The following MARCHF1 variants were observed in gnomAD, a reference collection of about 807,000 sequenced individuals.
The protein encoded by MARCHF1 is E3 ubiquitin-protein ligase MARCHF1.
Under a neutral mutation model 54.2 loss-of-function variants are expected in MARCHF1, and 40 were observed. The observed-to-expected ratio is 0.74, with a 90% CI of 0.57 to 0.96. The LOEUF (loss-of-function observed/expected upper bound fraction) is 0.96. MARCHF1 is among the 40% of genes least tolerant of loss of function. The pLI, the probability that MARCHF1 is intolerant of heterozygous loss-of-function variation, is 0.00. For missense variants in MARCHF1, 586 were observed against 656.5 expected (o/e 0.89, Z 1.17); for synonymous variants, 236 against 236.3 (o/e 1.00, Z 0.01).
intron 3 of MARCHF1, among the ~76,000 whole-genome samples, chr4:163,979,865 G>A (rs1359224918): frequency 2.0e-5 from 3 of 151,764 alleles, no homozygotes; most frequent in Non-Finnish European, 4.4e-5. Flanking sequence ...TTTTTGATGG[G>A]GTTGTTTGTT....
intron 1 of MARCHF1, among the ~76,000 whole-genome samples, chr4:164,152,138 A>G (rs1389222407): frequency 6.6e-6 from 1 of 152,188 alleles, no homozygotes; most frequent in Non-Finnish European, 1.5e-5. Context: ...AAATAAACAA[A>G]TAAACATGTA....
At chr4:164,071,711 A>G (rs1025108800) in intron 2 of MARCHF1, among the ~76,000 whole-genome samples, 18 of 152,094 alleles carry the variant, frequency 1.2e-4, no homozygotes, top group Non-Finnish European at 1.5e-5. Flanking sequence ...TTAGGTTGTT[A>G]CTCACAACCC....
intron 3 of MARCHF1, among the ~76,000 whole-genome samples, chr4:163,933,713 T>A (rs1379018842): frequency 6.6e-6 from 1 of 152,244 alleles, no homozygotes; most frequent in Non-Finnish European, 1.5e-5. Context: ...TCCTAATGTA[T>A]TCCTTTTTAG....
At chr4:164,161,557 G>GCAT (rs1730240117) in intron 1 of MARCHF1, among the ~76,000 whole-genome samples, 1 of 114,740 alleles carries the variant, frequency 8.7e-6, no homozygotes, top group East Asian at 2.7e-4. Context: ...AGCAGCAGCA[G>GCAT]CAGCAGCAGC....
intron 1 of MARCHF1, among the ~76,000 whole-genome samples, chr4:164,129,799 A>T (rs1756263605): frequency 6.6e-6 from 1 of 151,970 alleles, no homozygotes; most frequent in East Asian, 1.9e-4. Context: ...TGGTTGGGGG[A>T]GGGAGAGCAT....
chr4:163,782,270 T>G (rs532424221), intron 4 of MARCHF1, among the ~76,000 whole-genome samples: 7 of 152,190 alleles, frequency 4.6e-5, no homozygotes, highest in Non-Finnish European at 8.8e-5. Flanking sequence ...AGATAGATGT[T>G]CAGGGTGTAT....
intron 5 of MARCHF1, among the ~76,000 whole-genome samples, chr4:163,631,575 A>T (rs1490662505): frequency 6.6e-6 from 1 of 151,534 alleles, no homozygotes; most frequent in Non-Finnish European, 1.5e-5. Flanking sequence ...GATAATTTAG[A>T]AAACCTATCT....
At chr4:163,748,481 G>T (rs1396914254) in intron 4 of MARCHF1, among the ~76,000 whole-genome samples, 1 of 152,004 alleles carries the variant, frequency 6.6e-6, no homozygotes, top group Non-Finnish European at 1.5e-5. Flanking sequence ...CAGTCATACT[G>T]GGGATAGCTG....
At chr4:164,328,203 G>GTGCATC (rs1300457525) in intron 1 of MARCHF1, among the ~76,000 whole-genome samples, 1 of 152,098 alleles carries the variant, frequency 6.6e-6, no homozygotes, top group East Asian at 1.9e-4. Flanking sequence ...AATAAGTAAA[G>GTGCATC]AAAAGCATTA....
intron 4 of MARCHF1, among the ~76,000 whole-genome samples, chr4:163,793,431 A>AT (rs1332277026): frequency 6.6e-6 from 1 of 152,118 alleles, no homozygotes; most frequent in Non-Finnish European, 1.5e-5. Flanking sequence ...CAATTGTGAG[A>AT]TTTTCCTTAC....
At chr4:164,351,684 A>G (rs1203416521) in intron 1 of MARCHF1, among the ~76,000 whole-genome samples, 4 of 151,988 alleles carry the variant, frequency 2.6e-5, no homozygotes, top group African/African-American at 9.7e-5. Flanking sequence ...AAAAACTGGA[A>G]ACTCTAAAAA....
At chr4:163,831,061 T>C (rs150653906) in intron 4 of MARCHF1, among the ~76,000 whole-genome samples, 1 of 152,320 alleles carries the variant, frequency 6.6e-6, no homozygotes, top group African/African-American at 2.4e-5. Context: ...TCAATAGGTA[T>C]AGTTCTGCGA....
At chr4:164,015,455 A>C (rs1285443799) in intron 2 of MARCHF1, among the ~76,000 whole-genome samples, 1 of 152,276 alleles carries the variant, frequency 6.6e-6, no homozygotes, top group African/African-American at 2.4e-5. Flanking sequence ...TAGACAAATG[A>C]GATCACATCA....
chr4:163,625,610 G>T (rs1252797038), intron 5 of MARCHF1, among the ~76,000 whole-genome samples: 1 of 152,154 alleles, frequency 6.6e-6, no homozygotes, highest in Non-Finnish European at 1.5e-5. Context: ...AAAAGAAAGG[G>T]CTCCATTCTC....
At chr4:163,754,224 G>C (rs1285100102) in intron 4 of MARCHF1, among the ~76,000 whole-genome samples, 2 of 152,124 alleles carry the variant, frequency 1.3e-5, no homozygotes, top group Non-Finnish European at 2.9e-5. Context: ...AAGAACAAAA[G>C]CTTTCCTCTA....
chr4:164,142,519 C>A (rs895044239), intron 1 of MARCHF1, among the ~76,000 whole-genome samples: 15 of 152,136 alleles, frequency 9.9e-5, no homozygotes, highest in African/African-American at 3.4e-4. Flanking sequence ...TGACCCCTGA[C>A]CCCCCAGCAG....
intron 1 of MARCHF1, among the ~76,000 whole-genome samples, chr4:164,205,102 T>G (rs1260920386): frequency 6.6e-6 from 1 of 152,164 alleles, no homozygotes; most frequent in Non-Finnish European, 1.5e-5. Flanking sequence ...AATCTACTAT[T>G]CTTATTTTAA....
chr4:164,222,314 T>C (rs1332173998), intron 1 of MARCHF1, among the ~76,000 whole-genome samples: 3 of 151,982 alleles, frequency 2.0e-5, no homozygotes, highest in Non-Finnish European at 4.4e-5. Context: ...TGATTGTTTC[T>C]TATGTTTTAG....
chr4:163,920,875 C>T (rs890304640), intron 3 of MARCHF1, among the ~76,000 whole-genome samples: 2 of 152,040 alleles, frequency 1.3e-5, no homozygotes, highest in East Asian at 3.8e-4. Context: ...GTACTGTAAT[C>T]TGAACAATGT....
Sources: allele counts gnomAD v4.1 joint callset (sites outside exome capture counted in the v4.1 genomes callset), GRCh38; gene constraint gnomAD v4.1.1; transcripts MANE v1.5; gene names NCBI Gene and HGNC (gene_info 2026-07-23, HGNC 2026-07-21).